The following RAB33A variants were observed in gnomAD, a reference collection of about 807,000 sequenced individuals.
RAB33A encodes the protein RAB33A, member RAS oncogene family.
Under a neutral mutation model 12.0 loss-of-function variants are expected in RAB33A, and 6 were observed. The ratio of observed to expected loss-of-function variants is 0.50; its 90% CI spans 0.27 to 0.99. RAB33A has a LOEUF of 0.99. RAB33A is among the 50% of genes least tolerant of loss of function. The pLI is 0.11. For synonymous variants in RAB33A, 70 were observed against 82.4 expected (o/e 0.85, Z 0.81); for missense variants, 109 against 192.0 (o/e 0.57, Z 2.55).
rs2031615995 is a variant in RAB33A, at chrX:130,172,113, T to C, written c.51T>C (p.Ala17=). 1.7e-6 allele frequency: 2 copies of C among 1,211,995 alleles called. No homozygotes were observed. Among genetic ancestry groups the C allele is most frequent in the Non-Finnish European group, 2.2e-6 (2 of 895,377 alleles). Residue 17 remains alanine, a synonymous_variant, in exon 1 of 2, where the codon GCT becomes GCC. Coordinates refer to ENST00000257017, the MANE Select transcript of RAB33A (RefSeq NM_004794.3). ...GHGSLQPASA[A]GLASLELDSS... is the part of the protein sequence containing the mutation. ...GGAGCCTGCAGCCCGCCTCGGCCGC[T>C]GGCCTGGCGTCCCTGGAGCTCGACT...
At chrX:130,167,756 A>T (rs776550659), upstream of RAB33A, among the ~76,000 whole-genome samples, 118 of 112,125 alleles carry the variant, frequency 1.1e-3, no homozygotes, top group Non-Finnish European at 1.2e-3. Context: ...AAAGAAAAAA[A>T]TAAAGAAGTA....
the RAB33A span, among the ~76,000 whole-genome samples, chrX:130,120,506 C>T: frequency 8.9e-6 from 1 of 112,172 alleles, no homozygotes; most frequent in African/African-American, 3.2e-5. Flanking sequence ...CATTCTACTG[C>T]CTGCGGGTCA....
chrX:130,162,539 G>A, the RAB33A span, among the ~76,000 whole-genome samples: 1 of 112,066 alleles, frequency 8.9e-6, no homozygotes, highest in African/African-American at 3.2e-5. Context: ...TTATTAACTG[G>A]TTACAGAAAG....
the RAB33A span, chrX:130,130,109 G>A: frequency 5.8e-6 from 7 of 1,212,060 alleles, no homozygotes; most frequent in Admixed American, 2.2e-5. Context: ...GGTGCTGGGA[G>A]GAATAGTAAT....
chrX:130,116,938 G>A, the RAB33A span, among the ~76,000 whole-genome samples: 2 of 112,353 alleles, frequency 1.8e-5, no homozygotes, highest in Non-Finnish European at 3.8e-5. Context: ...CATTGGCCGG[G>A]TGCTGTGGCT....
At chrX:130,154,579 A>G in the RAB33A span, among the ~76,000 whole-genome samples, 1 of 112,168 alleles carries the variant, frequency 8.9e-6, no homozygotes, top group Admixed American at 9.5e-5. Flanking sequence ...TAGAGATTAC[A>G]AAGGGACACT....
upstream of RAB33A, among the ~76,000 whole-genome samples, chrX:130,171,047 T>G (rs1033267427): frequency 1.8e-5 from 2 of 113,045 alleles, no homozygotes; most frequent in African/African-American, 6.4e-5. Flanking sequence ...CTCCTGAACA[T>G]TCAGAGGATG....
the RAB33A span, among the ~76,000 whole-genome samples, chrX:130,128,218 T>C: frequency 1.8e-5 from 2 of 111,822 alleles, no homozygotes; most frequent in South Asian, 7.5e-4. Context: ...TTTCTCTTTA[T>C]ATACATGGAG....
At chrX:130,126,428 G>A in the RAB33A span, among the ~76,000 whole-genome samples, 2 of 109,613 alleles carry the variant, frequency 1.8e-5, no homozygotes, top group East Asian at 5.7e-4. Flanking sequence ...GGAGGTGGAG[G>A]TTGCAGTGAG....
chrX:130,113,077 C>CTTTTTTTTTTTTTTTTTTTT, the RAB33A span, among the ~76,000 whole-genome samples: 3 of 46,994 alleles, frequency 6.4e-5, no homozygotes, highest in Non-Finnish European at 7.1e-5. Flanking sequence ...TTTTTTCCTT[C>CTTTTTTTTTTTTTTTTTTTT]TTTTTTTTTT....
the RAB33A span, among the ~76,000 whole-genome samples, chrX:130,123,307 AAG>A: frequency 2.7e-5 from 3 of 112,209 alleles, no homozygotes; most frequent in African/African-American, 6.5e-5. Flanking sequence ...TGAAATCTGG[AAG>A]AGTGTTCTTT....
chrX:130,158,983 C>A, the RAB33A span, among the ~76,000 whole-genome samples: 1 of 111,332 alleles, frequency 9.0e-6, no homozygotes, highest in African/African-American at 3.3e-5. Context: ...TGTGGTCTCT[C>A]ATCTGAAATC....
At chrX:130,121,339 C>T in the RAB33A span, among the ~76,000 whole-genome samples, 1 of 106,520 alleles carries the variant, frequency 9.4e-6, no homozygotes, top group Non-Finnish European at 1.9e-5. Context: ...CCGCACCCCA[C>T]CCCCGGGTTC....
chrX:130,111,572 T>C, the RAB33A span, among the ~76,000 whole-genome samples: 1 of 112,039 alleles, frequency 8.9e-6, no homozygotes, highest in Non-Finnish European at 1.9e-5. Context: ...CGGCGACTTC[T>C]TAGGGAAGTC....
In RAB33A at chrX:130,182,689, G is replaced by A. The variant is rs778641935; in HGVS notation, c.259-1596G>A. Reference sequence around the variant, plus strand: ...GAATTGCTTGAACCCAGGTGGCAGAGGTTGCAGTGAGCCGAGATCGTGCCA... The same window carrying A: ...GAATTGCTTGAACCCAGGTGGCAGAAGTTGCAGTGAGCCGAGATCGTGCCA... On this transcript the variant is annotated intron_variant, in intron 1 of 1. Coordinates refer to ENST00000257017, the MANE Select transcript of RAB33A (RefSeq NM_004794.3). 2.7e-5 allele frequency among the ~76,000 whole-genome samples: 3 copies of A among 109,992 alleles called. No homozygotes were observed. The South Asian group carries it at 1.2e-3, about 44-fold the overall frequency.
the RAB33A span, among the ~76,000 whole-genome samples, chrX:130,123,881 G>C: frequency 5.4e-5 from 6 of 110,694 alleles, no homozygotes; most frequent in Admixed American, 9.7e-5. Flanking sequence ...TCTTTCCAAA[G>C]TGATGACAGA....
the RAB33A span, among the ~76,000 whole-genome samples, chrX:130,144,685 C>G: frequency 1.8e-5 from 2 of 111,861 alleles, no homozygotes; most frequent in African/African-American, 6.5e-5. Context: ...CCACAACATA[C>G]TGCGCAGATC....
At chrX:130,165,277 G>A in the RAB33A span, among the ~76,000 whole-genome samples, 1 of 110,306 alleles carries the variant, frequency 9.1e-6, no homozygotes, top group Non-Finnish European at 1.9e-5. Flanking sequence ...GGGAGGCGCC[G>A]ACAGCCAGTT....
At chrX:130,124,451 G>C in the RAB33A span, among the ~76,000 whole-genome samples, 6 of 112,109 alleles carry the variant, frequency 5.4e-5, no homozygotes, top group African/African-American at 1.9e-4. Flanking sequence ...TGGGAAGCCA[G>C]GTACCTCTGT....
Sources: gnomAD v4.1 joint callset for allele counts (sites outside exome capture counted in the v4.1 genomes callset) on GRCh38, gnomAD v4.1.1 for gene constraint, MANE v1.5 for transcripts, NCBI Gene and HGNC (gene_info 2026-07-23, HGNC 2026-07-21) for gene names.